Variants in AFTPH observed in about 807,000 individuals in gnomAD.
AFTPH encodes the protein aftiphilin protein.
In AFTPH, 7 loss-of-function variants were observed where a neutral mutation model predicts 72.5. The ratio of observed to expected loss-of-function variants is 0.10; its 90% confidence interval spans 0.05 to 0.18. The LOEUF (loss-of-function observed/expected upper bound fraction) is 0.18. AFTPH is among the 10% of genes least tolerant of loss of function. The probability of loss-of-function intolerance (pLI) is 1.00; values close to 1 mark genes in which losing one functional copy is unlikely to be tolerated. For missense variants in AFTPH, 979 were observed against 1,060.5 expected, an observed-to-expected ratio of 0.92 and a Z score of 1.07; for synonymous variants, 337 against 370.1, an observed-to-expected ratio of 0.91 and a Z score of 1.03.
chr2:64,588,151 TTC>T (rs1356267654), intron 8 of AFTPH, among the ~76,000 whole-genome samples: 3 of 152,136 alleles, frequency 2.0e-5, no homozygotes, highest in Non-Finnish European at 4.4e-5. Flanking sequence ...CTAATCTGCT[TTC>T]TGTCTCTACA....
chr2:64,586,453 A>G (rs1673513612), intron 8 of AFTPH, among the ~76,000 whole-genome samples: 1 of 152,272 alleles, frequency 6.6e-6, no homozygotes. Context: ...ATAGAAAGAC[A>G]TCCATTTAAA....
At chr2:64,585,290 G>A in intron 7 of AFTPH, 132 bp from the exon 9 acceptor site, 1 of 1,080,156 alleles carries the variant, frequency 9.3e-7, no homozygotes, top group Admixed American at 2.3e-5. Flanking sequence ...CAGTATTGCA[G>A]TGTTCTAAAG....
At chr2:64,565,437 T>G (rs958093542) in intron 2 of AFTPH, among the ~76,000 whole-genome samples, 1 of 120,660 alleles carries the variant, frequency 8.3e-6, no homozygotes, top group Non-Finnish European at 1.6e-5. Flanking sequence ...ATTGCACCAC[T>G]AAACTCCAAC....
intron 7 of AFTPH, 75 bp from the exon 8 acceptor site, chr2:64,581,114 CT>C: frequency 9.8e-7 from 1 of 1,017,050 alleles, no homozygotes; most frequent in East Asian, 2.7e-5. Context: ...TGTCTTACCC[CT>C]TTTTACACAT....
intron 8 of AFTPH, among the ~76,000 whole-genome samples, chr2:64,585,790 GC>G (rs886326338): frequency 1.2e-5 from 1 of 84,228 alleles, no homozygotes; most frequent in East Asian, 2.9e-4. Context: ...CCCACCCCCT[GC>G]CCCCCCACCT....
chr2:64,525,580 C>G (rs149853858), intron 1 of AFTPH: 2 of 154,090 alleles, frequency 1.3e-5, no homozygotes, highest in East Asian at 3.8e-4. Context: ...CTTCCTTCCA[C>G]CTCCTATTCC....
intron 7 of AFTPH, 38 bp from the exon 9 acceptor site, chr2:64,585,384 G>T: frequency 1.2e-6 from 2 of 1,611,128 alleles, no homozygotes; most frequent in Non-Finnish European, 8.5e-7. Context: ...GTAACCCATT[G>T]CAGCCTGCCA....
chr2:64,548,723 C>T (rs150248608), intron 1 of AFTPH, among the ~76,000 whole-genome samples: 14 of 152,096 alleles, frequency 9.2e-5, no homozygotes, highest in African/African-American at 3.4e-4. Flanking sequence ...GGTCAGATTA[C>T]CTCGTACACT....
At chr2:64,572,038 A>G (rs1180522780) in intron 5 of AFTPH, among the ~76,000 whole-genome samples, 1 of 152,070 alleles carries the variant, frequency 6.6e-6, no homozygotes, top group Non-Finnish European at 1.5e-5. Flanking sequence ...CAATGTGGAG[A>G]AACCCCATCT....
At chr2:64,579,353 T>C (rs1291636437) in intron 6 of AFTPH, 133 bp from the exon 7 acceptor site, 1 of 583,926 alleles carries the variant, frequency 1.7e-6, no homozygotes, top group Non-Finnish European at 2.9e-6. Context: ...CCTTCTGAAA[T>C]TGTAAATTAT....
At chr2:64,524,430 G>A (rs554686641) in exon 1 of AFTPH, 279 of 403,902 alleles carry the variant, frequency 6.9e-4, no homozygotes, top group Middle Eastern at 1.2e-3. Flanking sequence ...GTGGGATGGG[G>A]GTCCCGCGGC....
intron 1 of AFTPH, among the ~76,000 whole-genome samples, chr2:64,545,690 A>T (rs1050626032): frequency 7.7e-6 from 1 of 129,310 alleles, no homozygotes; most frequent in East Asian, 2.2e-4. Flanking sequence ...TTCAGCCTCA[A>T]AGGGTTGCAT....
chr2:64,542,230 C>T (rs1670296879), intron 1 of AFTPH, among the ~76,000 whole-genome samples: 1 of 152,118 alleles, frequency 6.6e-6, no homozygotes, highest in Admixed American at 6.6e-5. Flanking sequence ...GGGCCTCTTA[C>T]TTAGAGACAC....
chr2:64,552,499 A>G, exon 2 of AFTPH: 2 of 1,614,188 alleles, frequency 1.2e-6, no homozygotes, highest in Non-Finnish European at 1.7e-6. Context: ...GACTCAGCTG[A>G]TAATTCAGAA....
intron 3 of AFTPH, among the ~76,000 whole-genome samples, chr2:64,568,214 C>T (rs1231617270): frequency 6.6e-6 from 1 of 152,032 alleles, no homozygotes; most frequent in Non-Finnish European, 1.5e-5. Context: ...CTCTGCTATT[C>T]TCCTCCCCTC....
At chr2:64,582,991 G>A (rs956218307) in intron 7 of AFTPH, among the ~76,000 whole-genome samples, 1 of 152,110 alleles carries the variant, frequency 6.6e-6, no homozygotes, top group Non-Finnish European at 1.5e-5. Context: ...TCATTACTTT[G>A]GAGCCTTTTA....
chr2:64,567,475 G>T, intron 2 of AFTPH, 87 bp from the exon 3 acceptor site: 1 of 1,375,954 alleles, frequency 7.3e-7, no homozygotes, highest in Non-Finnish European at 1.0e-6. Flanking sequence ...AGTGGACAGG[G>T]TGTGCGTGTG....
At chr2:64,550,950 T>C (rs1671008689) in intron 1 of AFTPH, among the ~76,000 whole-genome samples, 1 of 152,148 alleles carries the variant, frequency 6.6e-6, no homozygotes, top group Non-Finnish European at 1.5e-5. Context: ...GGGTCAGAAA[T>C]AAACATTGAA....
chr2:64,558,444 C>A (rs1482211890), intron 2 of AFTPH, among the ~76,000 whole-genome samples: 1 of 152,096 alleles, frequency 6.6e-6, no homozygotes, highest in Non-Finnish European at 1.5e-5. Flanking sequence ...CAAAGCACTT[C>A]TAATATTAAA....
Sources: allele counts gnomAD v4.1 joint callset (sites outside exome capture counted in the v4.1 genomes callset), GRCh38; gene constraint gnomAD v4.1.1; transcripts MANE v1.5; gene names NCBI Gene and HGNC (gene_info 2026-07-23, HGNC 2026-07-21).